The following CARD19 variants were observed in gnomAD, a reference collection of about 807,000 sequenced individuals.
CARD19 encodes caspase recruitment domain-containing protein 19.
A neutral mutation model predicts 24.1 loss-of-function variants in CARD19; 25 were observed. The ratio of observed to expected loss-of-function variants is 1.04; its 90% CI spans 0.76 to 1.45. The LOEUF is 1.45. CARD19 is among the 40% of genes most tolerant of loss of function. The pLI is 0.00. For synonymous variants in CARD19, 103 were observed against 104.9 expected (o/e 0.98, Z 0.11); for missense variants, 241 against 247.4 (o/e 0.97, Z 0.17).
chr9:93,100,892 G>A (rs886277969), intron 1 of CARD19, among the ~76,000 whole-genome samples: 39 of 152,154 alleles, frequency 2.6e-4, no homozygotes, highest in Non-Finnish European at 2.2e-4. Context: ...TAACATCCAC[G>A]TATCATAATT....
chr9:93,098,467 G>T (rs1371208845), intron 1 of CARD19, among the ~76,000 whole-genome samples: 1 of 152,146 alleles, frequency 6.6e-6, no homozygotes, highest in Admixed American at 6.5e-5. Context: ...TTTGAATGGG[G>T]GTCCATAGTC....
chr9:93,102,652 GTT>G (rs71364357), intron 1 of CARD19, among the ~76,000 whole-genome samples: 53 of 143,318 alleles, frequency 3.7e-4, no homozygotes, highest in African/African-American at 4.8e-4. Context: ...CCCTGTTGTT[GTT>G]TTTTTTTTTT....
chr9:93,108,257 C>A (rs1033835924), intron 2 of CARD19, among the ~76,000 whole-genome samples: 5 of 152,194 alleles, frequency 3.3e-5, no homozygotes, highest in African/African-American at 1.2e-4. Flanking sequence ...CACCCCAGTG[C>A]CACAGGGCTT....
At chr9:93,101,812 A>G (rs1014582503) in intron 1 of CARD19, among the ~76,000 whole-genome samples, 2 of 151,800 alleles carry the variant, frequency 1.3e-5, no homozygotes, top group Non-Finnish European at 2.9e-5. Flanking sequence ...GCACTATTTT[A>G]CATTTTCACC....
rs1326911478 is a variant in CARD19, at chr9:93,111,131, C to T, written c.304+410C>T. ...CGGTCCCAGCTGGAATTACCCAACC[C>T]CATGACGGACCCTTTCATTGCAGCG... is the stretch of plus-strand genomic sequence containing the variant. On this transcript the variant is annotated intron_variant, in intron 3 of 5. Transcript: ENST00000375464. The T allele has an allele frequency of 3.2e-6, 4 of 1,234,036 alleles. No individual in the cohort carries two copies. In the East Asian group the frequency reaches 2.1e-4, roughly 66 times the overall value. 76.4% of individuals were successfully genotyped at this position (1,234,036 alleles called of 1,614,324 possible).
chr9:93,104,957 A>G (rs1268175741), intron 1 of CARD19, among the ~76,000 whole-genome samples: 1 of 151,966 alleles, frequency 6.6e-6, no homozygotes, highest in Non-Finnish European at 1.5e-5. Context: ...TCTTCACTCT[A>G]ATCTTGATTA....
chr9:93,112,374 C>A (rs1564213605), intron 5 of CARD19, 85 bp downstream of exon 5: 3 of 1,179,076 alleles, frequency 2.5e-6, no homozygotes, highest in Non-Finnish European at 3.6e-6. Context: ...CAATTTGGGA[C>A]CCCTTGGCCT....
chr9:93,111,261 A>C (rs759653838), intron 3 of CARD19: 5 of 1,161,084 alleles, frequency 4.3e-6, no homozygotes, highest in Non-Finnish European at 5.4e-6. Flanking sequence ...GGCAGTGTGG[A>C]CTCAGGCCCT....
chr9:93,103,574 A>C (rs1236015211), intron 1 of CARD19, among the ~76,000 whole-genome samples: 1 of 152,228 alleles, frequency 6.6e-6, no homozygotes, highest in Admixed American at 6.5e-5. Context: ...CTGCAGAGAT[A>C]GAGTGCCAAC....
intron 1 of CARD19, among the ~76,000 whole-genome samples, chr9:93,102,513 G>A (rs1252539264): frequency 2.0e-5 from 3 of 151,748 alleles, no homozygotes; most frequent in Admixed American, 6.6e-5. Flanking sequence ...TTAAAAATAG[G>A]GTTTAATTCT....
At chr9:93,101,275 C>T (rs893135376) in intron 1 of CARD19, among the ~76,000 whole-genome samples, 8 of 152,046 alleles carry the variant, frequency 5.3e-5, no homozygotes, top group Admixed American at 2.0e-4. Context: ...GACGGGGCTT[C>T]GCCATGTTGG....
chr9:93,103,965 T>C (rs1366889299), intron 1 of CARD19, among the ~76,000 whole-genome samples: 1 of 152,248 alleles, frequency 6.6e-6, no homozygotes, highest in Non-Finnish European at 1.5e-5. Context: ...TACATGCTTG[T>C]TGACACATTC....
At chr9:93,112,929 GGAAACACA>G in intron 5 of CARD19, 55 bp from the exon 6 acceptor site, 1 of 1,201,570 alleles carries the variant, frequency 8.3e-7, no homozygotes, top group Non-Finnish European at 1.2e-6. Context: ...CAGGAGGGAT[GGAAACACA>G]GAATTCACCT....
chr9:93,109,218 G>A (rs889529621), intron 2 of CARD19: 10 of 152,318 alleles, frequency 6.6e-5, no homozygotes, highest in African/African-American at 1.9e-4. Flanking sequence ...AGTTTAAGAC[G>A]TTTATACAAG....
At chr9:93,099,126 A>G (rs192333536) in intron 1 of CARD19, among the ~76,000 whole-genome samples, 25 of 152,138 alleles carry the variant, frequency 1.6e-4, no homozygotes, top group African/African-American at 5.5e-4. Flanking sequence ...GGGTTTCACC[A>G]TGTTGCCCAG....
At position 93,113,137 on chromosome 9, in the gene CARD19, A is replaced by G. The variant is rs1202278342; in HGVS notation, c.*30A>G. ...CCCTGGACCCAGGGCCTCACCTGCC[A>G]CTCAACCAAAGAGTCCTCGAGCCGG... On this transcript the variant is annotated 3_prime_UTR_variant, in exon 6 of 6. Coordinates refer to ENST00000375464, the MANE Select transcript of CARD19 (RefSeq NM_032310.5). 6.8e-7 allele frequency: 1 copy of G among 1,462,760 alleles called. No homozygotes were observed. The highest frequency in any genetic ancestry group is 9.3e-7 in the Non-Finnish European group (1 of 1,075,956). 90.6% of individuals were successfully genotyped at this position (1,462,760 alleles called of 1,614,324 possible).
At position 93,105,942 on chromosome 9, in the gene CARD19, A is replaced by G. The variant is rs118177575; in HGVS notation, c.8-1732A>G. The stretch of plus-strand genomic sequence containing the variant: ...TCCAAATATTATTATAGAGATATCT[A>G]TTTCTCCCTTCAATTCTGCCAGTGT... On this transcript the variant is annotated intron_variant, in intron 1 of 5. Coordinates refer to ENST00000375464, the MANE Select transcript of CARD19 (RefSeq NM_032310.5). Among the ~76,000 whole-genome samples the G allele has an allele frequency of 2.8e-3, 426 of 151,970 alleles. 1 individual carries two copies. Among genetic ancestry groups the G allele is most frequent in the Non-Finnish European group, 4.9e-3 (330 of 67,956 alleles).
chr9:93,107,856 G>A (rs745509522), intron 2 of CARD19, 40 bp downstream of exon 2: 4 of 1,612,682 alleles, frequency 2.5e-6, no homozygotes, highest in African/African-American at 1.3e-5. Flanking sequence ...ACACTGCTCA[G>A]TTTCCCTTCC....
At position 93,107,833 on chromosome 9, in the gene CARD19, G is replaced by C. The variant is rs1383689788; in HGVS notation, c.150+17G>C. On this transcript the variant is annotated intron_variant, in intron 2 of 5. Transcript: ENST00000375464. ...GCGGAAAAGGTGCTGAGGAGGTGAG[G>C]GGGGTACCCGAGACACTGCTCAGTT... 6.2e-7 allele frequency: 1 copy of C among 1,614,060 alleles called. No individual in the cohort carries two copies. Among genetic ancestry groups the C allele is most frequent in the Admixed American group, 1.7e-5 (1 of 60,020 alleles).
Sources: gnomAD v4.1 joint callset for allele counts (sites outside exome capture counted in the v4.1 genomes callset) on GRCh38, gnomAD v4.1.1 for gene constraint, MANE v1.5 for transcripts, NCBI Gene and HGNC (gene_info 2026-07-23, HGNC 2026-07-21) for gene names.